NPLOC4: variants seen among roughly 807,000 people sequenced by gnomAD.
NPLOC4 encodes the protein NPL4 homolog, ubiquitin recognition factor, also known as nuclear protein localization protein 4 homolog.
NPLOC4 carries 18 observed loss-of-function variants against 80.6 expected under a neutral mutation model. That is an observed-to-expected ratio of 0.22 (90% CI 0.15 to 0.33). NPLOC4 has a LOEUF of 0.33. Among genes scored for constraint, NPLOC4 ranks in the 10% least tolerant of loss-of-function variants. The probability of loss-of-function intolerance (pLI) is 1.00; values close to 1 mark genes in which losing one functional copy is unlikely to be tolerated. For synonymous variants in NPLOC4, 313 were observed against 301.5 expected, an observed-to-expected ratio of 1.04 and a Z score of -0.39; for missense variants, 540 against 786.1, an observed-to-expected ratio of 0.69 and a Z score of 3.74.
Position 81,578,040 on chromosome 17 carries a change from C to G in NPLOC4, c.1282-5952G>C, listed in dbSNP as rs143335833. Among the ~76,000 whole-genome samples, 837 of 152,342 alleles carry G rather than the reference C, an allele frequency of 5.5e-3. 11 individuals are homozygous for G. Among genetic ancestry groups the G allele is most frequent in the African/African-American group, 0.019 (785 of 41,574 alleles). Reference sequence around the variant, plus strand: ...CTCTCCTACCTGGATTTCAGCCCCACTCACTCCTCTAAACTTGCTGCCTTC... The same window carrying G: ...CTCTCCTACCTGGATTTCAGCCCCAGTCACTCCTCTAAACTTGCTGCCTTC... On this transcript the variant is annotated intron_variant, in intron 12 of 16. Transcript: ENST00000331134.
intron 11 of NPLOC4, among the ~76,000 whole-genome samples, chr17:81,595,236 T>C (rs1362123947): frequency 6.6e-6 from 1 of 151,446 alleles, no homozygotes; most frequent in Non-Finnish European, 1.5e-5. Flanking sequence ...CAGTTCAAGA[T>C]TAGCCTGGCC....
At chr17:81,617,978 G>C (rs2035547426) in intron 3 of NPLOC4, among the ~76,000 whole-genome samples, 1 of 152,180 alleles carries the variant, frequency 6.6e-6, no homozygotes, top group South Asian at 2.1e-4. Context: ...GCCCAGGCTG[G>C]AGTGCAGTGG....
intron 5 of NPLOC4, among the ~76,000 whole-genome samples, chr17:81,609,428 T>C (rs1233320755): frequency 6.6e-6 from 1 of 152,130 alleles, no homozygotes; most frequent in Admixed American, 6.6e-5. Flanking sequence ...TGCCTCAGCT[T>C]CCTGAGTAGC....
chr17:81,567,795 A>G lies in NPLOC4; in HGVS notation c.1450-262T>C. 1 of 388,150 alleles carries G rather than the reference A, an allele frequency of 2.6e-6. No homozygotes were observed. Among genetic ancestry groups the G allele is most frequent in the South Asian group, 2.8e-5 (1 of 35,510 alleles). The allele number at this position is 388,150 out of a possible 1,614,324, so 24.0% of individuals were successfully genotyped here. A position where few individuals can be genotyped will look rare whatever the true frequency, so the allele number is the denominator to read the frequency against. On this transcript the variant is annotated intron_variant, in intron 14 of 16. Transcript: ENST00000331134. This position sits in a 1 kb window ranked among gnomAD's most constrained non-coding sequence, Gnocchi z 4.5. ...GGAGACATGCTTATAAAGCTGACTC[A>G]GACTGGCCAGGTGTGGAGGCTAACA... is the stretch of plus-strand genomic sequence containing the variant.
At chr17:81,602,571 C>T (rs972565986) in intron 8 of NPLOC4, among the ~76,000 whole-genome samples, 6 of 151,698 alleles carry the variant, frequency 4.0e-5, no homozygotes, top group African/African-American at 9.7e-5. Context: ...GGCGTGGTGG[C>T]GGCACCTGTA....
At chr17:81,631,629 G>A (rs2035933634) in intron 1 of NPLOC4, among the ~76,000 whole-genome samples, 1 of 151,882 alleles carries the variant, frequency 6.6e-6, no homozygotes, top group Non-Finnish European at 1.5e-5. Flanking sequence ...AGGATGACAT[G>A]GCATGCTCTG....
rs2034399973 is a variant in NPLOC4, at chr17:81,580,093, T to G, written c.1282-8005A>C. 6.6e-6 allele frequency among the ~76,000 whole-genome samples: 1 copy of G among 152,006 alleles called. No individual in the cohort carries two copies. Among genetic ancestry groups the G allele is most frequent in the African/African-American group, 2.4e-5 (1 of 41,362 alleles). On this transcript the variant is annotated intron_variant, in intron 12 of 16. Transcript: ENST00000331134. This position sits in a 1 kb window ranked among gnomAD's most constrained non-coding sequence, Gnocchi z 4.4. ...CTCCCCAGCTCCTGCCTCCCAGTGC[T>G]CTCCACCTCATTCCCCCAAGGTGGG...
chr17:81,581,374 A>T lies in NPLOC4; in HGVS notation c.1281+7570T>A, dbSNP rs867290931. Reference sequence around the variant, plus strand: ...AAAAAAAAAAAAAAAAAAAAAAAAAAAAGTTAATAAAATCACCATGTCACA... The same window carrying T: ...AAAAAAAAAAAAAAAAAAAAAAAAATAAGTTAATAAAATCACCATGTCACA... On this transcript the variant is annotated intron_variant, in intron 12 of 16. Coordinates refer to ENST00000331134, the MANE Select transcript of NPLOC4 (RefSeq NM_017921.4). Among the ~76,000 whole-genome samples the T allele has an allele frequency of 2.7e-3, 168 of 62,824 alleles. 26 individuals carry two copies. Among genetic ancestry groups the T allele is most frequent in the Non-Finnish European group, 5.8e-3 (129 of 22,434 alleles). The allele number at this position is 62,824 out of a possible 152,430, so 41.2% of individuals were successfully genotyped here. A position where few individuals can be genotyped will look rare whatever the true frequency, so the allele number is the denominator to read the frequency against.
At chr17:81,598,334 G>T (rs1259977605) in intron 9 of NPLOC4, among the ~76,000 whole-genome samples, 4 of 152,112 alleles carry the variant, frequency 2.6e-5, no homozygotes, top group Non-Finnish European at 5.9e-5. Flanking sequence ...CACCAGCTCT[G>T]CCCAGCACCA....
At chr17:81,635,275 G>A (rs944861264) in intron 1 of NPLOC4, among the ~76,000 whole-genome samples, 4 of 150,992 alleles carry the variant, frequency 2.6e-5, no homozygotes, top group African/African-American at 9.8e-5. Flanking sequence ...AGAGGCGGAG[G>A]TTGCAGTAAG....
intron 5 of NPLOC4, 25 bp downstream of exon 5, chr17:81,610,185 G>A (rs1371565801): frequency 3.2e-6 from 5 of 1,562,896 alleles, no homozygotes; most frequent in Non-Finnish European, 4.3e-6. Flanking sequence ...CACTGGCCCA[G>A]AACTTACTCC....
chr17:81,600,314 C>G (rs1442997476), intron 9 of NPLOC4, 27 bp downstream of exon 9: 1 of 1,573,574 alleles, frequency 6.4e-7, no homozygotes. Flanking sequence ...GCCACGCCCC[C>G]TGCTTGGCTG....
chr17:81,599,869 G>A (rs911720944), intron 9 of NPLOC4, among the ~76,000 whole-genome samples: 5 of 152,168 alleles, frequency 3.3e-5, no homozygotes, highest in East Asian at 1.9e-4. Context: ...GATTGATGAC[G>A]GAGCAGCAGA....
intron 12 of NPLOC4, among the ~76,000 whole-genome samples, chr17:81,575,588 T>A (rs1348562216): frequency 6.6e-6 from 1 of 152,060 alleles, no homozygotes; most frequent in Non-Finnish European, 1.5e-5. Flanking sequence ...CAAAGATGAG[T>A]GAACCTCCTA....
chr17:81,568,516 A>C (rs2034073997), intron 14 of NPLOC4, among the ~76,000 whole-genome samples: 1 of 152,092 alleles, frequency 6.6e-6, no homozygotes, highest in Non-Finnish European at 1.5e-5. Flanking sequence ...ATGTGTACAC[A>C]GCCTGTCTAC....
chr17:81,615,484 C>T (rs1244711592), intron 3 of NPLOC4, among the ~76,000 whole-genome samples: 2 of 152,186 alleles, frequency 1.3e-5, no homozygotes. Flanking sequence ...CACACAAGAT[C>T]AATTTTAACA....
intron 3 of NPLOC4, among the ~76,000 whole-genome samples, chr17:81,616,545 AC>A (rs1443441073): frequency 1.3e-5 from 2 of 151,680 alleles, no homozygotes; most frequent in African/African-American, 4.8e-5. Flanking sequence ...CCTGGCTAAC[AC>A]GGTGAAACCC....
intron 1 of NPLOC4, among the ~76,000 whole-genome samples, chr17:81,631,044 G>C (rs1195402476): frequency 2.0e-5 from 3 of 151,706 alleles, no homozygotes; most frequent in African/African-American, 7.3e-5. Context: ...GTGGTGGCGG[G>C]CACCTGTAAT....
intron 8 of NPLOC4, among the ~76,000 whole-genome samples, chr17:81,602,570 G>A (rs939956599): frequency 2.6e-5 from 4 of 151,964 alleles, no homozygotes; most frequent in Admixed American, 1.3e-4. Context: ...AGGCGTGGTG[G>A]CGGCACCTGT....
Sources: allele counts gnomAD v4.1 joint callset (sites outside exome capture counted in the v4.1 genomes callset), GRCh38; gene constraint gnomAD v4.1.1; non-coding constraint Gnocchi (gnomAD v3.1); transcripts MANE v1.5; gene names NCBI Gene and HGNC (gene_info 2026-07-23, HGNC 2026-07-21).